MSL2: variants seen among roughly 807,000 people sequenced by gnomAD.
MSL2 encodes MSL complex subunit 2, also known as E3 ubiquitin-protein ligase MSL2.
Under a neutral mutation model 35.8 loss-of-function variants are expected in MSL2, and 2 were observed. That is an observed-to-expected ratio of 0.06 (90% CI 0.02 to 0.18). The LOEUF is 0.18. Among genes scored for constraint, MSL2 ranks in the 10% least tolerant of loss-of-function variants. The pLI is 1.00. For synonymous variants in MSL2, 296 were observed against 255.7 expected (o/e 1.16, Z -1.50); for missense variants, 523 against 706.7 (o/e 0.74, Z 2.95).
At chr3:136,166,052 T>A in intron 1 of MSL2, among the ~76,000 whole-genome samples, 1 of 115,706 alleles carries the variant, frequency 8.6e-6, no homozygotes, top group African/African-American at 3.3e-5. Context: ...TATTTAAATG[T>A]ACGTACCAGT....
chr3:136,181,015 T>C (rs1940342142), intron 1 of MSL2, among the ~76,000 whole-genome samples: 1 of 150,264 alleles, frequency 6.7e-6, no homozygotes, highest in Non-Finnish European at 1.5e-5. Flanking sequence ...AAATCAGGCA[T>C]GGTGGCACAT....
chr3:136,184,737 T>TAA (rs1221336389), intron 1 of MSL2, among the ~76,000 whole-genome samples: 1 of 68,666 alleles, frequency 1.5e-5, no homozygotes. Flanking sequence ...AGATAAAGGT[T>TAA]AAAAAAAAAA....
Position 136,195,954 on chromosome 3 carries a change from C to A in MSL2, c.-841G>T, listed in dbSNP as rs1001534939. The stretch of plus-strand genomic sequence containing the variant: ...ACTCCGGGGTCACCAGACTCAAGCG[C>A]CGCCCCCTCACTGCCCGGCCATTTT... On this transcript the variant is annotated 5_prime_UTR_variant, in exon 1 of 2. Coordinates refer to ENST00000309993, the MANE Select transcript of MSL2 (RefSeq NM_018133.4). 4.9e-5 allele frequency: 19 copies of A among 386,216 alleles called. No individual in the cohort carries two copies. The highest frequency in any genetic ancestry group is 6.0e-5 in the Non-Finnish European group (17 of 283,544). 23.9% of individuals were successfully genotyped at this position (386,216 alleles called of 1,614,324 possible).
chr3:136,171,843 G>C (rs765721417), intron 1 of MSL2, among the ~76,000 whole-genome samples: 1 of 152,158 alleles, frequency 6.6e-6, no homozygotes, highest in African/African-American at 2.4e-5. Flanking sequence ...ATCATGTTGA[G>C]GTAACAGGTA....
intron 1 of MSL2, among the ~76,000 whole-genome samples, chr3:136,193,617 G>C (rs1940752968): frequency 6.6e-6 from 1 of 151,340 alleles, no homozygotes; most frequent in African/African-American, 2.4e-5. Context: ...AGTGGGAGTA[G>C]AGTGAGAGGT....
intron 1 of MSL2, among the ~76,000 whole-genome samples, chr3:136,192,919 T>A (rs531346800): frequency 6.6e-6 from 1 of 152,178 alleles, no homozygotes; most frequent in African/African-American, 2.4e-5. Flanking sequence ...TTTTTTTCTA[T>A]GTCTTTATAA....
At chr3:136,176,636 G>A (rs1940189668) in intron 1 of MSL2, among the ~76,000 whole-genome samples, 1 of 151,630 alleles carries the variant, frequency 6.6e-6, no homozygotes, top group South Asian at 2.1e-4. Context: ...ACCAGCCTGG[G>A]CAACTGAGTG....
intron 1 of MSL2, among the ~76,000 whole-genome samples, chr3:136,185,289 TTTTAA>T (rs1234623299): frequency 6.8e-6 from 1 of 146,544 alleles, no homozygotes; most frequent in African/African-American, 2.6e-5. Context: ...TTCAGCAAAT[TTTTAA>T]CAAAGCTAAA....
In MSL2 at chr3:136,148,981, CAGTG is replaced by C. The variant is rs1939251318; in HGVS notation, c.*2162_*2165del. On this transcript the variant is annotated 3_prime_UTR_variant, in exon 2 of 2. Coordinates refer to ENST00000309993, the MANE Select transcript of MSL2 (RefSeq NM_018133.4). ...GTAATACAGGTTTCCAAAAATGTGG[CAGTG>C]AGAATACCAGCATAAAAAAGAGAAA... 1 of 152,292 alleles carries C rather than the reference CAGTG, an allele frequency of 6.6e-6. No individual in the cohort carries two copies. The highest frequency in any genetic ancestry group is 6.6e-5 in the Admixed American group (1 of 15,240). The allele number at this position is 152,292 out of a possible 1,614,324, so 9.4% of individuals were successfully genotyped here. A position where few individuals can be genotyped will look rare whatever the true frequency, so the allele number is the denominator to read the frequency against.
intron 1 of MSL2, among the ~76,000 whole-genome samples, chr3:136,193,807 G>A (rs1940758110): frequency 6.6e-6 from 1 of 152,144 alleles, no homozygotes; most frequent in African/African-American, 2.4e-5. Flanking sequence ...ACCAGTCAGA[G>A]TAGCACTTAA....
intron 1 of MSL2, among the ~76,000 whole-genome samples, chr3:136,184,412 C>G (rs1940453347): frequency 6.6e-6 from 1 of 151,840 alleles, no homozygotes; most frequent in African/African-American, 2.4e-5. Context: ...ACCAGCCTGG[C>G]CAACATGGTG....
chr3:136,185,015 C>T (rs1940479289), intron 1 of MSL2, among the ~76,000 whole-genome samples: 1 of 152,072 alleles, frequency 6.6e-6, no homozygotes, highest in Admixed American at 6.6e-5. Context: ...TGCTCTGTAG[C>T]CCAGGCTGGA....
intron 1 of MSL2, among the ~76,000 whole-genome samples, chr3:136,173,483 CT>C: frequency 6.6e-6 from 1 of 152,222 alleles, no homozygotes; most frequent in South Asian, 2.1e-4. Flanking sequence ...CATTCACAAA[CT>C]AAATACCTTG....
chr3:136,179,355 T>C (rs1472420567), intron 1 of MSL2, among the ~76,000 whole-genome samples: 3 of 152,108 alleles, frequency 2.0e-5, no homozygotes, highest in Non-Finnish European at 4.4e-5. Flanking sequence ...CTTAATGTTT[T>C]ATTTTCTGGT....
chr3:136,192,162 G>A (rs1282764442), intron 1 of MSL2, among the ~76,000 whole-genome samples: 1 of 152,176 alleles, frequency 6.6e-6, no homozygotes. Context: ...AGAAGGTTTA[G>A]ACAAGAAAGA....
chr3:136,190,739 T>G (rs1296343604), intron 1 of MSL2, among the ~76,000 whole-genome samples: 3 of 152,182 alleles, frequency 2.0e-5, no homozygotes, highest in Non-Finnish European at 4.4e-5. Flanking sequence ...AGGCCAAAAC[T>G]TATCAAGTCT....
chr3:136,182,279 T>TA lies in MSL2; in HGVS notation c.142+12692dup, dbSNP rs1940389079. Among the ~76,000 whole-genome samples, 8 of 152,344 alleles carry TA rather than the reference T, an allele frequency of 5.3e-5. No individual in the cohort carries two copies. In the South Asian group the frequency reaches 1.7e-3, roughly 32 times the overall value. On this transcript the variant is annotated intron_variant, in intron 1 of 1. Coordinates refer to ENST00000309993, the MANE Select transcript of MSL2 (RefSeq NM_018133.4). ...ATTAGACGAAATTTAAATTGTCACA[T>TA]ATGGCTAGTGGCTTTGTATAAAATG...
intron 1 of MSL2, among the ~76,000 whole-genome samples, chr3:136,172,896 G>T (rs956126781): frequency 2.0e-5 from 3 of 152,176 alleles, no homozygotes; most frequent in Non-Finnish European, 4.4e-5. Flanking sequence ...GGGCACAGTG[G>T]CTCACACCTG....
chr3:136,155,855 C>T (rs1444858015), intron 1 of MSL2: 5 of 578,258 alleles, frequency 8.6e-6, no homozygotes, highest in South Asian at 5.5e-5. Flanking sequence ...TGGCCAGCTC[C>T]GCTGCTTTCC....
Sources: gnomAD v4.1 joint callset for allele counts (sites outside exome capture counted in the v4.1 genomes callset) on GRCh38, gnomAD v4.1.1 for gene constraint, MANE v1.5 for transcripts, NCBI Gene and HGNC (gene_info 2026-07-23, HGNC 2026-07-21) for gene names.